Variants in PARP1 observed in about 807,000 individuals in gnomAD.
PARP1 encodes the protein poly [ADP-ribose] polymerase 1.
In PARP1, 44 loss-of-function variants were observed where a neutral mutation model predicts 118.7. That is an observed-to-expected ratio of 0.37 (90% CI 0.29 to 0.48). The LOEUF (loss-of-function observed/expected upper bound fraction) is 0.48. Ranked by LOEUF, PARP1 falls within the 20% of genes least tolerant of loss-of-function variation. The pLI is 0.99. For missense variants in PARP1, 1,100 were observed against 1,272.4 expected (o/e 0.86, Z 2.06); for synonymous variants, 492 against 483.2 (o/e 1.02, Z -0.24).
intron 1 of PARP1, among the ~76,000 whole-genome samples, chr1:226,404,784 GC>G (rs776753030): frequency 6.6e-6 from 1 of 152,204 alleles, no homozygotes; most frequent in Non-Finnish European, 1.5e-5. Context: ...GTGCACCCAA[GC>G]AAAAACTGAG....
At chr1:226,391,268 A>T (rs1019832265) in intron 3 of PARP1, among the ~76,000 whole-genome samples, 1 of 151,932 alleles carries the variant, frequency 6.6e-6, no homozygotes, top group African/African-American at 2.4e-5. Context: ...ACTAGCAGGG[A>T]CTTTCTGTCC....
Position 226,380,163 on chromosome 1 carries a change from C to T in PARP1, c.1302G>A (p.Lys434=). The T allele has an allele frequency of 6.2e-7, 1 of 1,614,114 alleles. No homozygotes were observed. Residue 434 remains lysine, a splice_region_variant and synonymous_variant, in exon 10 of 23, where the codon AAG becomes AAA. Coordinates refer to ENST00000366794, the MANE Select transcript of PARP1 (RefSeq NM_001618.4). ...TCTTCTTATTCATCTTTTCCACCTC[C>T]TCTGTTCAAATTGAAAGGAAAAAAA... ...NKASLCISTK[K]EVEKMNKKME...
chr1:226,399,473 A>C (rs557747432), intron 2 of PARP1, among the ~76,000 whole-genome samples: 1 of 152,184 alleles, frequency 6.6e-6, no homozygotes, highest in East Asian at 1.9e-4. Flanking sequence ...AAAAGGAAAA[A>C]CTATGGAGAA....
chr1:226,383,601 G>A (rs912998615), intron 7 of PARP1, among the ~76,000 whole-genome samples: 3 of 152,058 alleles, frequency 2.0e-5, no homozygotes, highest in Admixed American at 6.5e-5. Flanking sequence ...CCAAGACCCC[G>A]AATACTATAT....
At chr1:226,399,619 A>C (rs1035555496) in intron 2 of PARP1, among the ~76,000 whole-genome samples, 1 of 152,200 alleles carries the variant, frequency 6.6e-6, no homozygotes, top group Non-Finnish European at 1.5e-5. Flanking sequence ...TGTTTGTTAA[A>C]ACTGACAGAA....
chr1:226,361,212 C>T lies in PARP1; in HGVS notation c.*248G>A. ...TCTCTCTCCAGCCTTTTCTCTATGTCAGTTTTATCTACCTGGCAAGAAAAA... is the reference window on the plus strand; with the variant it reads ...TCTCTCTCCAGCCTTTTCTCTATGTTAGTTTTATCTACCTGGCAAGAAAAA... On this transcript the variant is annotated 3_prime_UTR_variant, in exon 23 of 23. Coordinates refer to ENST00000366794, the MANE Select transcript of PARP1 (RefSeq NM_001618.4). 1 of 568,026 alleles carries T rather than the reference C, an allele frequency of 1.8e-6. No homozygotes were observed. Among genetic ancestry groups the T allele is most frequent in the Non-Finnish European group, 3.2e-6 (1 of 316,534 alleles). 35.2% of individuals were successfully genotyped at this position (568,026 alleles called of 1,614,324 possible). A position where few individuals can be genotyped will look rare whatever the true frequency, so the allele number is the denominator to read the frequency against.
At chr1:226,392,406 T>G in intron 2 of PARP1, 92 bp from the exon 3 acceptor site, 9 of 846,840 alleles carry the variant, frequency 1.1e-5, no homozygotes, top group East Asian at 2.4e-5. Context: ...CCAGGATCCT[T>G]CCACTAGGAC....
intron 17 of PARP1, 98 bp downstream of exon 17, chr1:226,367,382 A>C: frequency 6.8e-7 from 1 of 1,462,352 alleles, no homozygotes; most frequent in Non-Finnish European, 9.6e-7. Flanking sequence ...CCTGTGTTTT[A>C]ACAAGCTTTC....
chr1:226,403,668 C>T (rs1665083190), intron 1 of PARP1, among the ~76,000 whole-genome samples: 1 of 152,200 alleles, frequency 6.6e-6, no homozygotes. Flanking sequence ...TTGGGAGTCA[C>T]AGAGGCAGCA....
intron 12 of PARP1, among the ~76,000 whole-genome samples, chr1:226,377,527 A>C (rs1664516091): frequency 6.6e-6 from 1 of 152,236 alleles, no homozygotes; most frequent in Non-Finnish European, 1.5e-5. Flanking sequence ...GCCAAAGAAT[A>C]GTTTAAACTT....
At position 226,370,522 on chromosome 1, in the gene PARP1, G is replaced by A; in HGVS notation, c.2071-5C>T. On this transcript the variant is annotated splice_region_variant and splice_polypyrimidine_tract_variant and intron_variant, in intron 14 of 22. Coordinates refer to ENST00000366794, the MANE Select transcript of PARP1 (RefSeq NM_001618.4). ...GGGCATCTTCTGAAGGTCGATCTGA[G>A]GAGACAGGGGATTTCGCTCTGAAAG... 5 of 1,611,656 alleles carry A rather than the reference G, an allele frequency of 3.1e-6. No homozygotes were observed. The highest frequency in any genetic ancestry group is 4.2e-6 in the Non-Finnish European group (5 of 1,177,816).
intron 6 of PARP1, 96 bp downstream of exon 6, chr1:226,386,230 C>A: frequency 1.3e-6 from 1 of 789,972 alleles, no homozygotes; most frequent in South Asian, 1.4e-5. Flanking sequence ...AGCAGGTGTT[C>A]ACACGGAGGG....
rs1197797264 is a variant in PARP1, at chr1:226,361,249, C to T, written c.*211G>A. 1 of 612,032 alleles carries T rather than the reference C, an allele frequency of 1.6e-6. No individual in the cohort carries two copies. The highest frequency in any genetic ancestry group is 2.8e-5 in the East Asian group (1 of 35,956). 37.9% of individuals were successfully genotyped at this position (612,032 alleles called of 1,614,324 possible). On this transcript the variant is annotated 3_prime_UTR_variant, in exon 23 of 23. Transcript: ENST00000366794. ...CCTGGCAAGAAAAAACAAAAACAAC[C>T]CCAAAACAACCCCTCCCCACAGACA...
At chr1:226,393,823 A>T (rs1193226401) in intron 2 of PARP1, among the ~76,000 whole-genome samples, 1 of 152,280 alleles carries the variant, frequency 6.6e-6, no homozygotes, top group African/African-American at 2.4e-5. Context: ...TGTATACGTA[A>T]GATCTGTGCA....
At chr1:226,393,869 T>A (rs1001454490) in intron 2 of PARP1, among the ~76,000 whole-genome samples, 14 of 152,164 alleles carry the variant, frequency 9.2e-5, no homozygotes, top group African/African-American at 3.1e-4. Context: ...ATTCCAGATA[T>A]AATACCAAAG....
chr1:226,365,850 TA>T (rs1664253778), intron 18 of PARP1, 103 bp downstream of exon 18: 1 of 754,810 alleles, frequency 1.3e-6, no homozygotes, highest in Non-Finnish European at 2.4e-6. Flanking sequence ...TTGGGTTATT[TA>T]AAGTAAATAA....
intron 19 of PARP1, 41 bp downstream of exon 19, chr1:226,364,961 G>A: frequency 6.2e-7 from 1 of 1,610,358 alleles, no homozygotes; most frequent in Non-Finnish European, 8.5e-7. Context: ...GACACCTGCA[G>A]AGACAGGCAT....
intron 4 of PARP1, among the ~76,000 whole-genome samples, chr1:226,389,131 G>A (rs1286374068): frequency 6.6e-6 from 1 of 152,118 alleles, no homozygotes; most frequent in Non-Finnish European, 1.5e-5. Context: ...CCGGGACTAG[G>A]CTAGAGGTAA....
chr1:226,361,356 A>G lies in PARP1; in HGVS notation c.*104T>C. On this transcript the variant is annotated 3_prime_UTR_variant, in exon 23 of 23. Transcript: ENST00000366794. ...AATCCTTTCTGAGGTGGTTTAGTAC[A>G]GGTACTACCCATCAGCAACTTAGCG... The G allele has an allele frequency of 1.3e-6, 1 of 747,728 alleles. No individual in the cohort carries two copies. The highest frequency in any genetic ancestry group is 2.4e-6 in the Non-Finnish European group (1 of 409,094). The allele number at this position is 747,728 out of a possible 1,614,324, so 46.3% of individuals were successfully genotyped here. A position where few individuals can be genotyped will look rare whatever the true frequency, so the allele number is the denominator to read the frequency against.
Sources: gnomAD v4.1 joint callset for allele counts (sites outside exome capture counted in the v4.1 genomes callset) on GRCh38, gnomAD v4.1.1 for gene constraint, MANE v1.5 for transcripts, NCBI Gene and HGNC (gene_info 2026-07-23, HGNC 2026-07-21) for gene names.